COL5A1: variants seen among roughly 807,000 people sequenced by gnomAD.
COL5A1 encodes collagen type V alpha 1 chain, also known as collagen alpha-1(V) chain.
In COL5A1, 16 loss-of-function variants were observed where a neutral mutation model predicts 263.7. The ratio of observed to expected loss-of-function variants is 0.06; its 90% CI spans 0.04 to 0.09. COL5A1 has a LOEUF of 0.09. Ranked by LOEUF, COL5A1 falls within the 10% of genes least tolerant of loss-of-function variation. The pLI is 1.00. For synonymous variants in COL5A1, 1,012 were observed against 1,004.5 expected, an observed-to-expected ratio of 1.01 and a Z score of -0.14; for missense variants, 2,036 against 2,540.5, an observed-to-expected ratio of 0.80 and a Z score of 4.27.
chr9:134,795,199 G>A (rs1272612111), intron 33 of COL5A1, 63 bp from the exon 34 acceptor site: 3 of 1,612,152 alleles, frequency 1.9e-6, no homozygotes, highest in East Asian at 2.2e-5. Flanking sequence ...GCCAGGGGCT[G>A]GGGGAAGGCA....
intron 1 of COL5A1, chr9:134,649,672 C>T: frequency 2.6e-6 from 1 of 387,210 alleles, no homozygotes; most frequent in Non-Finnish European, 5.0e-6. Context: ...ACCTGGTGAT[C>T]CCATTACTGG....
chr9:134,790,699 C>G (rs1837660626), intron 32 of COL5A1, among the ~76,000 whole-genome samples: 1 of 150,736 alleles, frequency 6.6e-6, no homozygotes, highest in Admixed American at 6.6e-5. Flanking sequence ...CCATCCACCT[C>G]TCCATCTGTC....
At position 134,786,029 on chromosome 9, in the gene COL5A1, C is replaced by T; in HGVS notation, c.2627C>T (p.Pro876Leu). ...KLGVPGLPGY[P>L]GRQGPKGSIG... Reference sequence around the variant, plus strand: ...GGAGTCCCAGGGTTACCAGGGTATCCAGGAAGACAAGGACCAAAGGTAACT... The same window carrying T: ...GGAGTCCCAGGGTTACCAGGGTATCTAGGAAGACAAGGACCAAAGGTAACT... Residue 876 changes from proline to leucine, a missense_variant, in exon 31 of 66, where the codon CCA (proline) becomes CTA (leucine). By Grantham distance (98) the Pro-to-Leu change is moderately conservative. Coordinates refer to ENST00000371817, the MANE Select transcript of COL5A1 (RefSeq NM_000093.5). 1 of 1,613,244 alleles carries T rather than the reference C, an allele frequency of 6.2e-7. No individual in the cohort carries two copies. The highest frequency in any genetic ancestry group is 8.5e-7 in the Non-Finnish European group (1 of 1,179,738).
In COL5A1 at chr9:134,757,738, C is replaced by T. The variant is rs1836034610; in HGVS notation, c.1882-505C>T. Reference sequence around the variant, plus strand: ...GAGACAGGGCCCTGTTCCCGGGCTCCAGGGCATGCAGAAGAGGGGCCGGCC... The same window carrying T: ...GAGACAGGGCCCTGTTCCCGGGCTCTAGGGCATGCAGAAGAGGGGCCGGCC... On this transcript the variant is annotated intron_variant, in intron 17 of 65. Transcript: ENST00000371817. This position sits in a 1 kb window ranked among gnomAD's most constrained non-coding sequence, Gnocchi z 6.2. 6.6e-6 allele frequency among the ~76,000 whole-genome samples: 1 copy of T among 152,188 alleles called. No individual in the cohort carries two copies. The highest frequency in any genetic ancestry group is 1.9e-4 in the East Asian group (1 of 5,186).
chr9:134,838,786 C>T (rs1220556787), intron 65 of COL5A1, among the ~76,000 whole-genome samples: 2 of 152,186 alleles, frequency 1.3e-5, no homozygotes, highest in Non-Finnish European at 2.9e-5. Context: ...GAGAGAATGG[C>T]CCAAAACTGC....
At chr9:134,803,034 C>G (rs1185373867) in intron 39 of COL5A1, 39 bp downstream of exon 39, 1 of 1,488,680 alleles carries the variant, frequency 6.7e-7, no homozygotes, top group East Asian at 2.4e-5. Flanking sequence ...TCAGGCGTTT[C>G]CTCAGGAATC....
intron 1 of COL5A1, among the ~76,000 whole-genome samples, chr9:134,689,314 G>A (rs1040397827): frequency 2.6e-5 from 4 of 152,292 alleles, no homozygotes; most frequent in South Asian, 2.1e-4. Context: ...TCTTGAGCCC[G>A]TCGCAGGCTG....
intron 7 of COL5A1, among the ~76,000 whole-genome samples, chr9:134,731,085 A>C (rs1834862496): frequency 6.6e-6 from 1 of 152,214 alleles, no homozygotes; most frequent in Non-Finnish European, 1.5e-5. Flanking sequence ...AGTGTGTAGC[A>C]CATGGCCGAT....
chr9:134,732,048 C>A (rs1404120115), intron 8 of COL5A1, 23 bp from the exon 9 acceptor site: 1 of 1,613,254 alleles, frequency 6.2e-7, no homozygotes. Flanking sequence ...ATTCTCTTTC[C>A]ATCTGCCTTT....
In COL5A1 at chr9:134,842,423, G is replaced by A; in HGVS notation, c.*120G>A. 1 of 1,268,958 alleles carries A rather than the reference G, an allele frequency of 7.9e-7. No individual in the cohort carries two copies. The highest frequency in any genetic ancestry group is 1.1e-6 in the Non-Finnish European group (1 of 900,314). 78.6% of individuals were successfully genotyped at this position (1,268,958 alleles called of 1,614,324 possible). On this transcript the variant is annotated 3_prime_UTR_variant, in exon 66 of 66. Coordinates refer to ENST00000371817, the MANE Select transcript of COL5A1 (RefSeq NM_000093.5). This position sits in a 1 kb window ranked among gnomAD's most constrained non-coding sequence, Gnocchi z 5.8. Reference sequence around the variant, plus strand: ...AAGGCTTCTCCCTCCCCTCCCACCTGACTTCATCTACGCCTCGGCACCACG... The same window carrying A: ...AAGGCTTCTCCCTCCCCTCCCACCTAACTTCATCTACGCCTCGGCACCACG...
intron 1 of COL5A1, among the ~76,000 whole-genome samples, chr9:134,674,806 G>T (rs927819316): frequency 6.6e-6 from 1 of 152,004 alleles, no homozygotes; most frequent in Non-Finnish European, 1.5e-5. Context: ...GCTTGAACCT[G>T]GGAGGTGGAG....
intron 2 of COL5A1, among the ~76,000 whole-genome samples, chr9:134,698,843 G>A (rs555898834): frequency 1.3e-5 from 2 of 152,364 alleles, no homozygotes; most frequent in East Asian, 1.9e-4. Context: ...ATGGATTCAC[G>A]ATGGCTCAAG....
intron 4 of COL5A1, chr9:134,708,423 G>GGGC (rs1564401710): frequency 3.2e-5 from 12 of 379,410 alleles, no homozygotes; most frequent in African/African-American, 2.5e-4. Context: ...AACTCCCGGG[G>GGGC]TGGGGGCTCT....
chr9:134,653,775 T>C (rs1831777998), intron 1 of COL5A1, among the ~76,000 whole-genome samples: 1 of 150,466 alleles, frequency 6.6e-6, no homozygotes, highest in Non-Finnish European at 1.5e-5. Flanking sequence ...GCTGGGGGTG[T>C]CTGCAGGGTC....
At chr9:134,770,307 C>T (rs1158435795) in intron 25 of COL5A1, among the ~76,000 whole-genome samples, 1 of 152,204 alleles carries the variant, frequency 6.6e-6, no homozygotes, top group Non-Finnish European at 1.5e-5. Flanking sequence ...GTATGAGGCA[C>T]TTCAGAGCAG....
Position 134,782,649 on chromosome 9 carries a change from C to T in COL5A1, c.2431-18C>T, listed in dbSNP as rs760519527. 6.2e-7 allele frequency: 1 copy of T among 1,613,680 alleles called. No homozygotes were observed. The highest frequency in any genetic ancestry group is 1.1e-5 in the South Asian group (1 of 91,082). On this transcript the variant is annotated intron_variant, in intron 28 of 65. Transcript: ENST00000371817. Reference sequence around the variant, plus strand: ...GTCCTCTTGCCTAGACTAGGGCACTCTCTTGTCCCATATTCAGGGTGAAGA... The same window carrying T: ...GTCCTCTTGCCTAGACTAGGGCACTTTCTTGTCCCATATTCAGGGTGAAGA...
At chr9:134,805,096 G>A in intron 40 of COL5A1, 32 bp downstream of exon 40, 1 of 1,613,622 alleles carries the variant, frequency 6.2e-7, no homozygotes, top group South Asian at 1.1e-5. Context: ...GAATGAAATG[G>A]GACAGGTGCA....
chr9:134,772,705 C>A, intron 25 of COL5A1, 85 bp from the exon 26 acceptor site: 2 of 1,370,710 alleles, frequency 1.5e-6, no homozygotes, highest in Non-Finnish European at 2.1e-6. Flanking sequence ...GCTCCATGAT[C>A]ATGGATGCTA....
At chr9:134,798,271 C>T in intron 36 of COL5A1, 137 bp from the exon 37 acceptor site, 1 of 800,034 alleles carries the variant, frequency 1.2e-6, no homozygotes, top group Non-Finnish European at 2.2e-6. Context: ...CCCGTGCCTG[C>T]CAGGTGATTG....
Sources: gnomAD v4.1 joint callset for allele counts (sites outside exome capture counted in the v4.1 genomes callset) on GRCh38, gnomAD v4.1.1 for gene constraint, Gnocchi (gnomAD v3.1) non-coding constraint, MANE v1.5 for transcripts, NCBI Gene and HGNC (gene_info 2026-07-23, HGNC 2026-07-21) for gene names.